Variants in ACTR3B observed in about 807,000 individuals in gnomAD.
The protein encoded by ACTR3B is actin-related protein 3B.
ACTR3B carries 8 observed loss-of-function variants against 59.0 expected under a neutral mutation model. That is an observed-to-expected ratio of 0.14 (90% CI 0.08 to 0.24). The LOEUF (loss-of-function observed/expected upper bound fraction) is 0.24. ACTR3B is among the 10% of genes least tolerant of loss of function. ACTR3B has a pLI of 1.00. For synonymous variants in ACTR3B, 148 were observed against 197.9 expected, an observed-to-expected ratio of 0.75 and a Z score of 2.12; for missense variants, 245 against 552.3, an observed-to-expected ratio of 0.44 and a Z score of 5.58.
At position 152,853,582 on chromosome 7, in the gene ACTR3B, G is replaced by GTC. The variant is rs769477990; in HGVS notation, c.1161+6_1161+7dup. 6.2e-7 allele frequency: 1 copy of GTC among 1,612,826 alleles called. No individual in the cohort carries two copies. Reference sequence around the variant, plus strand: ...GGCTCCATGCTGGCCTCGACTGTAAGTCCCTCTCTCGAGGGCTCTGTGTCT... The same window carrying GTC: ...GGCTCCATGCTGGCCTCGACTGTAAGTCTCCCTCTCTCGAGGGCTCTGTGTCT... On this transcript the variant is annotated splice_donor_region_variant and intron_variant, in intron 11 of 11. Transcript: ENST00000256001.
chr7:152,821,772 T>G (rs1796184882), intron 7 of ACTR3B, among the ~76,000 whole-genome samples: 1 of 152,234 alleles, frequency 6.6e-6, no homozygotes, highest in Non-Finnish European at 1.5e-5. Context: ...GGGGTAGCCC[T>G]GTTAGTTCTC....
At chr7:152,811,916 ACT>A (rs1795270006) in intron 4 of ACTR3B, 1 of 129,352 alleles carries the variant, frequency 7.7e-6, no homozygotes, top group Non-Finnish European at 1.7e-5. Context: ...GTGTCTTTAC[ACT>A]CTCTCCTTCT....
chr7:152,782,323 TAAG>T (rs1382857170), intron 1 of ACTR3B, among the ~76,000 whole-genome samples: 1 of 151,336 alleles, frequency 6.6e-6, no homozygotes, highest in Non-Finnish European at 1.5e-5. Context: ...GTAGTCCTAA[TAAG>T]AAAGGAAGCG....
rs1409585606 is a variant in ACTR3B, at chr7:152,759,980, C to T, written c.44+54C>T. 1.6e-5 allele frequency: 21 copies of T among 1,292,874 alleles called. No homozygotes were observed. In the Admixed American group the frequency reaches 7.8e-4, roughly 48 times the overall value. 80.1% of individuals were successfully genotyped at this position (1,292,874 alleles called of 1,614,324 possible). A position where few individuals can be genotyped will look rare whatever the true frequency, so the allele number is the denominator to read the frequency against. The stretch of plus-strand genomic sequence containing the variant: ...TCCTCCGCGGCCCCGCTCCCGGCCC[C>T]TGGCGTCCACCTCGCCTGGAGGTCG... On this transcript the variant is annotated intron_variant, in intron 1 of 11. Transcript: ENST00000256001.
At chr7:152,782,546 G>T (rs1464134161) in intron 1 of ACTR3B, among the ~76,000 whole-genome samples, 1 of 152,102 alleles carries the variant, frequency 6.6e-6, no homozygotes, top group Non-Finnish European at 1.5e-5. Flanking sequence ...GGCTCCTTCT[G>T]AAATGAGATG....
intron 2 of ACTR3B, among the ~76,000 whole-genome samples, chr7:152,789,074 A>AACAACG (rs2098185728): frequency 1.3e-5 from 2 of 151,592 alleles, no homozygotes; most frequent in South Asian, 2.1e-4. Context: ...AAACAACAAC[A>AACAACG]ACAACAACAA....
intron 9 of ACTR3B, among the ~76,000 whole-genome samples, chr7:152,841,322 TC>T (rs1221798680): frequency 8.2e-6 from 1 of 121,438 alleles, no homozygotes; most frequent in African/African-American, 3.0e-5. Context: ...TCTCCCAGAG[TC>T]CTCTGTAAAG....
At chr7:152,821,349 C>G (rs973460303) in intron 7 of ACTR3B, among the ~76,000 whole-genome samples, 6 of 152,038 alleles carry the variant, frequency 3.9e-5, no homozygotes, top group Non-Finnish European at 8.8e-5. Context: ...AATTGAGCCC[C>G]TTCATAGTGG....
intron 2 of ACTR3B, 73 bp from the exon 3 acceptor site, chr7:152,800,458 G>A: frequency 6.4e-7 from 1 of 1,560,908 alleles, no homozygotes; most frequent in Admixed American, 1.9e-5. Context: ...TGTATATAAG[G>A]ATATTATCCC....
At chr7:152,837,567 A>G (rs115779082) in intron 9 of ACTR3B, among the ~76,000 whole-genome samples, 3,337 of 152,150 alleles carry the variant, frequency 0.022, 24 homozygotes, top group Middle Eastern at 0.051. Flanking sequence ...TAAGAAAATG[A>G]GTGGGGACAG....
intron 11 of ACTR3B, among the ~76,000 whole-genome samples, chr7:152,853,975 G>C (rs569386889): frequency 6.6e-6 from 1 of 151,994 alleles, no homozygotes; most frequent in Non-Finnish European, 1.5e-5. Context: ...CCACCCCCCT[G>C]CCTTGGCCTC....
chr7:152,770,792 G>T (rs62494303), intron 1 of ACTR3B, among the ~76,000 whole-genome samples: 37,253 of 130,012 alleles, frequency 0.29, 1,338 homozygotes, highest in Non-Finnish European at 0.36. Flanking sequence ...GCAACGAGTT[G>T]TTGTTGAGCA....
At position 152,854,417 on chromosome 7, in the gene ACTR3B, C is replaced by A. The variant is rs752893564; in HGVS notation, c.1162-41C>A. ...GGTAGCTGGTTCCCTTGACTTTCTT[C>A]TGAAATGAGTGTCTTTCTGTCTGCC... On this transcript the variant is annotated intron_variant, in intron 11 of 11. Transcript: ENST00000256001. The surrounding 1 kb of genome is among the most constrained non-coding windows in gnomAD (Gnocchi z 4.9). The A allele has an allele frequency of 6.3e-7, 1 of 1,583,442 alleles. No homozygotes were observed.
At chr7:152,795,020 G>C (rs1327063263) in intron 2 of ACTR3B, among the ~76,000 whole-genome samples, 1 of 146,792 alleles carries the variant, frequency 6.8e-6, no homozygotes, top group African/African-American at 2.5e-5. Flanking sequence ...TGAGAAAAAG[G>C]CTTCAGTTTC....
At chr7:152,852,914 A>G (rs1223132032) in intron 10 of ACTR3B, among the ~76,000 whole-genome samples, 1 of 151,634 alleles carries the variant, frequency 6.6e-6, no homozygotes, top group African/African-American at 2.4e-5. Context: ...GCCTCAGCCT[A>G]TTGAGTAGCT....
intron 9 of ACTR3B, among the ~76,000 whole-genome samples, chr7:152,834,642 G>A (rs1797300190): frequency 6.6e-6 from 1 of 152,186 alleles, no homozygotes; most frequent in Non-Finnish European, 1.5e-5. Flanking sequence ...GCTCCATGCT[G>A]TGTCTGTTTC....
At chr7:152,839,531 T>C (rs200868841) in intron 9 of ACTR3B, among the ~76,000 whole-genome samples, 13,985 of 145,586 alleles carry the variant, frequency 0.096, 856 homozygotes, top group African/African-American at 0.14. Context: ...TGGAATTGCC[T>C]TCAGCTGTGT....
At chr7:152,774,525 A>ATAATATGTT (rs1204724092) in intron 1 of ACTR3B, among the ~76,000 whole-genome samples, 1 of 152,102 alleles carries the variant, frequency 6.6e-6, no homozygotes, top group African/African-American at 2.4e-5. Flanking sequence ...GTGAAATTAG[A>ATAATATGTT]TAATATGTTT....
intron 2 of ACTR3B, among the ~76,000 whole-genome samples, chr7:152,787,149 C>G (rs1414126253): frequency 6.6e-6 from 1 of 152,140 alleles, no homozygotes; most frequent in Admixed American, 6.5e-5. Flanking sequence ...ATCCCATCAG[C>G]AGTGTGTGAG....
Sources: allele counts gnomAD v4.1 joint callset (sites outside exome capture counted in the v4.1 genomes callset), GRCh38; gene constraint gnomAD v4.1.1; non-coding constraint Gnocchi (gnomAD v3.1); transcripts MANE v1.5; gene names NCBI Gene and HGNC (gene_info 2026-07-23, HGNC 2026-07-21).